The following PICALM variants were observed in gnomAD, a reference collection of about 807,000 sequenced individuals.
The protein encoded by PICALM is phosphatidylinositol binding clathrin assembly protein.
In PICALM, 40 loss-of-function variants were observed where a neutral mutation model predicts 80.5. The observed-to-expected ratio is 0.50, with a 90% CI of 0.39 to 0.65. The LOEUF is 0.65. Ranked by LOEUF, PICALM falls within the 30% of genes least tolerant of loss-of-function variation. The pLI, the probability that PICALM is intolerant of heterozygous loss-of-function variation, is 0.00. For missense variants in PICALM, 676 were observed against 778.9 expected (o/e 0.87, Z 1.57); for synonymous variants, 288 against 260.3 (o/e 1.11, Z -1.02).
chr11:86,049,241 C>A (rs112698952), intron 1 of PICALM, among the ~76,000 whole-genome samples: 24,078 of 152,106 alleles, frequency 0.16, 2,458 homozygotes, highest in Middle Eastern at 0.24. Flanking sequence ...TGAGATTGTG[C>A]CACTGCACTG....
intron 19 of PICALM, among the ~76,000 whole-genome samples, chr11:85,965,357 CAGACTT>C (rs1200052068): frequency 1.3e-5 from 2 of 152,124 alleles, no homozygotes; most frequent in African/African-American, 4.8e-5. Context: ...TCAGCACAAA[CAGACTT>C]AGACAATGCT....
intron 19 of PICALM, among the ~76,000 whole-genome samples, chr11:85,967,041 C>A (rs1290191133): frequency 2.6e-5 from 4 of 152,164 alleles, no homozygotes; most frequent in Non-Finnish European, 1.5e-5. Flanking sequence ...TTACAGCAGT[C>A]CTAGGAAACT....
intron 9 of PICALM, among the ~76,000 whole-genome samples, chr11:86,002,858 C>CA (rs1238101034): frequency 6.6e-6 from 1 of 151,946 alleles, no homozygotes; most frequent in East Asian, 1.9e-4. Context: ...ACTAAAAATA[C>CA]AAAAATTAGC....
At chr11:86,038,769 T>A (rs1278970578) in intron 1 of PICALM, among the ~76,000 whole-genome samples, 1 of 146,750 alleles carries the variant, frequency 6.8e-6, no homozygotes, top group African/African-American at 2.6e-5. Context: ...AGAGCGAGAC[T>A]CCATCTCAGA....
chr11:86,037,944 G>A (rs17817907), intron 1 of PICALM, among the ~76,000 whole-genome samples: 4,011 of 152,176 alleles, frequency 0.026, 88 homozygotes, highest in Non-Finnish European at 0.039. Context: ...CCTTTAGAAC[G>A]TTATCATGAT....
In PICALM at chr11:86,068,748, A is replaced by G. The variant is rs1441235140; in HGVS notation, c.33T>C (p.Thr11=). MSGQSLTDRI[T]AAQHSVTGSA... ...AGCCGGTGACACTGTGCTGGGCGGC[A>G]GTGATTCGGTCCGTCAGGCTCTGGC... Residue 11 remains threonine, a synonymous_variant, in exon 1 of 20, where the codon ACT becomes ACC. Coordinates refer to ENST00000393346, the MANE Select transcript of PICALM (RefSeq NM_007166.4). The G allele has an allele frequency of 6.2e-7, 1 of 1,611,980 alleles. No homozygotes were observed. Among genetic ancestry groups the G allele is most frequent in the African/African-American group, 1.3e-5 (1 of 74,818 alleles).
In PICALM at chr11:85,990,329, A is replaced by G. The variant is rs1488043802; in HGVS notation, c.1329T>C (p.Ser443=). The G allele has an allele frequency of 5.6e-6, 9 of 1,605,576 alleles. No individual in the cohort carries two copies. Among genetic ancestry groups the G allele is most frequent in the Middle Eastern group, 1.6e-4 (1 of 6,062 alleles). ...IPSLNPFLTK[S]SGDVHLSISS... ...AAATGGAAAGGTGAACATCACCACTACTTTTTGTGAGGAAAGGATTTAAGC... is the reference window on the plus strand; with the variant it reads ...AAATGGAAAGGTGAACATCACCACTGCTTTTTGTGAGGAAAGGATTTAAGC... Residue 443 remains serine, a synonymous_variant, in exon 13 of 20, where the codon AGT becomes AGC. Coordinates refer to ENST00000393346, the MANE Select transcript of PICALM (RefSeq NM_007166.4).
chr11:85,995,544 C>T (rs953066556), intron 12 of PICALM, among the ~76,000 whole-genome samples: 2 of 152,128 alleles, frequency 1.3e-5, no homozygotes, highest in African/African-American at 4.8e-5. Flanking sequence ...ACAGGAATTG[C>T]AGTTCAGCTT....
chr11:86,069,008 C>G lies in PICALM; in HGVS notation c.-228G>C. The G allele has an allele frequency of 3.7e-6, 2 of 546,094 alleles. 1 individual carries two copies. Among genetic ancestry groups the G allele is most frequent in the Non-Finnish European group, 6.4e-6 (2 of 310,172 alleles). The allele number at this position is 546,094 out of a possible 1,614,324, so 33.8% of individuals were successfully genotyped here. ...ATGTCGGGCACTCCCTTGCCCCCGC[C>G]TCAGTTCAGCCCACCCCTTCCCGGG... On this transcript the variant is annotated 5_prime_UTR_variant, in exon 1 of 20. Coordinates refer to ENST00000393346, the MANE Select transcript of PICALM (RefSeq NM_007166.4).
At chr11:86,023,182 C>G (rs1450746756) in intron 3 of PICALM, among the ~76,000 whole-genome samples, 1 of 152,104 alleles carries the variant, frequency 6.6e-6, no homozygotes, top group Non-Finnish European at 1.5e-5. Context: ...ATTTTTGCTC[C>G]TCATTGAAAA....
intron 1 of PICALM, among the ~76,000 whole-genome samples, chr11:86,057,345 C>G (rs2096284776): frequency 6.6e-6 from 1 of 152,124 alleles, no homozygotes; most frequent in African/African-American, 2.4e-5. Context: ...TTGAGACCAG[C>G]CTGACCAACA....
chr11:86,021,184 T>C (rs947837962), intron 4 of PICALM, among the ~76,000 whole-genome samples: 1 of 152,100 alleles, frequency 6.6e-6, no homozygotes. Flanking sequence ...CTCATTTGTA[T>C]GAAAATTTTT....
chr11:85,964,605 A>G (rs1177481226), intron 19 of PICALM, among the ~76,000 whole-genome samples: 1 of 152,160 alleles, frequency 6.6e-6, no homozygotes, highest in East Asian at 1.9e-4. Flanking sequence ...CCTACCATCA[A>G]ATGTTCATCT....
intron 2 of PICALM, among the ~76,000 whole-genome samples, chr11:86,029,992 A>G (rs1382414541): frequency 6.6e-6 from 1 of 152,208 alleles, no homozygotes; most frequent in African/African-American, 2.4e-5. Flanking sequence ...TTAAAAATTA[A>G]AAACTACAAA....
chr11:86,001,912 G>T (rs1013345203), intron 9 of PICALM, among the ~76,000 whole-genome samples: 4 of 152,154 alleles, frequency 2.6e-5, no homozygotes, highest in African/African-American at 9.7e-5. Context: ...GAACTACCTT[G>T]AGCTTTATTA....
At chr11:85,981,367 A>G in intron 16 of PICALM, 139 bp from the exon 17 acceptor site, 1 of 596,982 alleles carries the variant, frequency 1.7e-6, no homozygotes. Context: ...GCACTTTGGG[A>G]GGCCAAGGTG....
At chr11:85,986,059 A>G (rs918397964) in intron 13 of PICALM, among the ~76,000 whole-genome samples, 5 of 152,192 alleles carry the variant, frequency 3.3e-5, no homozygotes, top group Admixed American at 6.5e-5. Flanking sequence ...AAGGTTAGAA[A>G]GACTATAAAG....
chr11:85,987,505 T>C (rs1350889055), intron 13 of PICALM, among the ~76,000 whole-genome samples: 1 of 152,246 alleles, frequency 6.6e-6, no homozygotes, highest in Non-Finnish European at 1.5e-5. Context: ...AAGTGAATAA[T>C]CTTTGGCAAT....
intron 10 of PICALM, 123 bp downstream of exon 10, chr11:86,000,911 GT>G: frequency 1.4e-6 from 2 of 1,473,416 alleles, no homozygotes; most frequent in Middle Eastern, 1.9e-4. Flanking sequence ...AGGACGAAAA[GT>G]TAGACTGAGT....
Sources: allele counts gnomAD v4.1 joint callset (sites outside exome capture counted in the v4.1 genomes callset), GRCh38; gene constraint gnomAD v4.1.1; transcripts MANE v1.5; gene names NCBI Gene and HGNC (gene_info 2026-07-23, HGNC 2026-07-21).